The following RNF144A variants were observed in gnomAD, a reference collection of about 807,000 sequenced individuals.
RNF144A encodes ring finger protein 144A, also known as E3 ubiquitin-protein ligase RNF144A.
Under a neutral mutation model 38.7 loss-of-function variants are expected in RNF144A, and 11 were observed. That is an observed-to-expected ratio of 0.28 (90% CI 0.18 to 0.47). The LOEUF is 0.47. Among genes scored for constraint, RNF144A ranks in the 20% least tolerant of loss-of-function variants. The pLI is 0.99. For missense variants in RNF144A, 316 were observed against 377.2 expected, an observed-to-expected ratio of 0.84 and a Z score of 1.34; for synonymous variants, 149 against 143.9, an observed-to-expected ratio of 1.04 and a Z score of -0.25.
At chr2:6,926,511 T>C (rs1664877427) in intron 1 of RNF144A, among the ~76,000 whole-genome samples, 1 of 152,188 alleles carries the variant, frequency 6.6e-6, no homozygotes, top group South Asian at 2.1e-4. Flanking sequence ...CCCATATGGA[T>C]TAGGCCCAGA....
intron 6 of RNF144A, among the ~76,000 whole-genome samples, chr2:7,050,773 C>A (rs1418095433): frequency 6.6e-6 from 1 of 152,200 alleles, no homozygotes; most frequent in Non-Finnish European, 1.5e-5. Context: ...TCACTGGCCT[C>A]CATGGGGAAG....
chr2:7,021,655 A>G (rs985208784), intron 6 of RNF144A, among the ~76,000 whole-genome samples: 6 of 152,134 alleles, frequency 3.9e-5, no homozygotes, highest in African/African-American at 7.2e-5. Flanking sequence ...TCCCCCTGAG[A>G]TTCTCTGCAT....
At chr2:6,989,970 G>A (rs1424345114) in intron 2 of RNF144A, among the ~76,000 whole-genome samples, 2 of 151,908 alleles carry the variant, frequency 1.3e-5, no homozygotes, top group Admixed American at 1.3e-4. Flanking sequence ...CCATCCACAC[G>A]TACACACAAT....
intron 2 of RNF144A, among the ~76,000 whole-genome samples, chr2:6,989,954 A>G (rs1354890437): frequency 1.3e-5 from 2 of 152,168 alleles, no homozygotes; most frequent in Admixed American, 6.6e-5. Flanking sequence ...CAGAGTTTCC[A>G]TACACCCATC....
intron 2 of RNF144A, among the ~76,000 whole-genome samples, chr2:6,961,666 T>G (rs1228510714): frequency 5.3e-5 from 8 of 152,240 alleles, no homozygotes; most frequent in Admixed American, 5.2e-4. Flanking sequence ...CATGCCTTCA[T>G]GTCTGGCACA....
chr2:7,032,081 G>A (rs1210803338), intron 8 of RNF144A, among the ~76,000 whole-genome samples: 1 of 152,282 alleles, frequency 6.6e-6, no homozygotes, highest in Non-Finnish European at 1.5e-5. Flanking sequence ...AACAGATGAT[G>A]AAGGCAGATT....
chr2:7,031,763 G>A (rs146686606), intron 8 of RNF144A, among the ~76,000 whole-genome samples: 13 of 152,376 alleles, frequency 8.5e-5, no homozygotes, highest in South Asian at 2.1e-4. Context: ...GCCTGTGGGC[G>A]TCCACAGCAG....
At chr2:6,932,127 T>C (rs1261458624) in intron 1 of RNF144A, among the ~76,000 whole-genome samples, 1 of 152,264 alleles carries the variant, frequency 6.6e-6, no homozygotes, top group African/African-American at 2.4e-5. Flanking sequence ...AGCATTGTTA[T>C]GTCTTGGAAA....
intron 2 of RNF144A, among the ~76,000 whole-genome samples, chr2:6,986,985 C>A (rs1669003379): frequency 6.6e-6 from 1 of 152,022 alleles, no homozygotes; most frequent in Admixed American, 6.5e-5. Flanking sequence ...TGGGCAAATA[C>A]ATTAGTGTTG....
intron 1 of RNF144A, among the ~76,000 whole-genome samples, chr2:6,939,114 T>G (rs553240315): frequency 1.4e-4 from 21 of 152,342 alleles, no homozygotes; most frequent in African/African-American, 5.0e-4. Context: ...GTGGAAATGC[T>G]GGGCCATATG....
At chr2:7,071,635 A>G (rs1674488028), downstream of RNF144A, among the ~76,000 whole-genome samples, 1 of 152,196 alleles carries the variant, frequency 6.6e-6, no homozygotes, top group East Asian at 1.9e-4. Flanking sequence ...GCATTTACTA[A>G]TTACAAGATA....
chr2:7,002,913 G>A (rs552850590), intron 3 of RNF144A, among the ~76,000 whole-genome samples: 57 of 152,198 alleles, frequency 3.7e-4, no homozygotes, highest in African/African-American at 1.3e-3. Context: ...TGTGGAGGTG[G>A]AAGCCAGTGA....
rs1250700330 is a variant in RNF144A, at chr2:6,962,714, A to C, written c.-12+21567A>C. On this transcript the variant is annotated intron_variant, in intron 2 of 8. Coordinates refer to ENST00000320892, the MANE Select transcript of RNF144A (RefSeq NM_014746.6). This position sits in a 1 kb window ranked among gnomAD's most constrained non-coding sequence, Gnocchi z 4.1. ...TTCTTCCCCATTCTATTTTGCTTGG[A>C]TATTTATGCACTTGTCTTATTTTAT... 6.6e-6 allele frequency among the ~76,000 whole-genome samples: 1 copy of C among 152,208 alleles called. No homozygotes were observed. The highest frequency in any genetic ancestry group is 6.5e-5 in the Admixed American group (1 of 15,288).
At chr2:6,986,795 G>T (rs111539643) in intron 2 of RNF144A, among the ~76,000 whole-genome samples, 13 of 152,234 alleles carry the variant, frequency 8.5e-5, no homozygotes, top group African/African-American at 3.1e-4. Context: ...AAGTGGGGTT[G>T]GGGTGAGGGG....
At chr2:6,990,436 A>G (rs1669271832) in intron 2 of RNF144A, among the ~76,000 whole-genome samples, 1 of 86,436 alleles carries the variant, frequency 1.2e-5, no homozygotes, top group African/African-American at 4.5e-5. Flanking sequence ...ACACACACAC[A>G]GAGCTATATA....
intron 3 of RNF144A, among the ~76,000 whole-genome samples, chr2:7,001,016 T>G (rs1295692971): frequency 1.3e-5 from 2 of 152,118 alleles, no homozygotes; most frequent in Non-Finnish European, 2.9e-5. Context: ...AATGTAACAT[T>G]TGGCCAGGCA....
intron 3 of RNF144A, among the ~76,000 whole-genome samples, chr2:7,007,240 A>G (rs1332461096): frequency 6.6e-6 from 1 of 152,236 alleles, no homozygotes; most frequent in Non-Finnish European, 1.5e-5. Flanking sequence ...CCTTTCTTAT[A>G]CAATGGGTAA....
intron 1 of RNF144A, among the ~76,000 whole-genome samples, chr2:6,925,999 C>T (rs1341668533): frequency 6.6e-6 from 1 of 152,230 alleles, no homozygotes; most frequent in Non-Finnish European, 1.5e-5. Context: ...ATAGCACTTA[C>T]TAACAAGGAC....
At chr2:7,048,044 C>A (rs969093577), downstream of RNF144A, among the ~76,000 whole-genome samples, 2 of 152,132 alleles carry the variant, frequency 1.3e-5, no homozygotes, top group Admixed American at 1.3e-4. Context: ...CTTTCTGTTC[C>A]TGGGATAGTT....
Sources: gnomAD v4.1 joint callset for allele counts (sites outside exome capture counted in the v4.1 genomes callset) on GRCh38, gnomAD v4.1.1 for gene constraint, Gnocchi (gnomAD v3.1) non-coding constraint, MANE v1.5 for transcripts, NCBI Gene and HGNC (gene_info 2026-07-23, HGNC 2026-07-21) for gene names.